MINDY2: variants seen among roughly 807,000 people sequenced by gnomAD.
MINDY2 encodes ubiquitin carboxyl-terminal hydrolase MINDY-2.
Under a neutral mutation model 68.2 loss-of-function variants are expected in MINDY2, and 52 were observed. The observed-to-expected ratio is 0.76, with a 90% confidence interval of 0.61 to 0.96. The LOEUF is 0.96. MINDY2 is among the 40% of genes least tolerant of loss of function. MINDY2 has a pLI of 0.00. For missense variants in MINDY2, 881 were observed against 773.4 expected (o/e 1.14, Z -1.65); for synonymous variants, 372 against 303.0 (o/e 1.23, Z -2.36).
chr15:58,840,352 G>A (rs1227269549), intron 6 of MINDY2, among the ~76,000 whole-genome samples: 2 of 152,006 alleles, frequency 1.3e-5, no homozygotes, highest in African/African-American at 4.8e-5. Context: ...TAGTTTTGTG[G>A]TTTACTGTTG....
intron 2 of MINDY2, among the ~76,000 whole-genome samples, chr15:58,792,872 C>T (rs1432929001): frequency 2.6e-5 from 4 of 152,040 alleles, no homozygotes; most frequent in African/African-American, 9.7e-5. Context: ...GCTGGTGGTG[C>T]GTGCCTATGG....
At chr15:58,841,853 G>T (rs1222648881) in intron 6 of MINDY2, among the ~76,000 whole-genome samples, 1 of 152,178 alleles carries the variant, frequency 6.6e-6, no homozygotes. Context: ...AAGATGGGTT[G>T]TAAATAAACC....
intron 7 of MINDY2, 65 bp from the exon 8 acceptor site, chr15:58,851,706 A>G: frequency 1.6e-6 from 2 of 1,217,592 alleles, no homozygotes; most frequent in South Asian, 3.1e-5. Flanking sequence ...TAACGTTTGT[A>G]TTTGCAGTCA....
At position 58,854,634 on chromosome 15, in the gene MINDY2, C is replaced by T. The variant is rs1595790970; in HGVS notation, c.*24C>T. 1 of 1,593,718 alleles carries T rather than the reference C, an allele frequency of 6.3e-7. No homozygotes were observed. The highest frequency in any genetic ancestry group is 8.5e-7 in the Non-Finnish European group (1 of 1,176,164). ...AACAAGTGTTGGCTTCTGTTGGAACCACCTATATGTCTTGAGAAACAAAAC... is the reference window on the plus strand; with the variant it reads ...AACAAGTGTTGGCTTCTGTTGGAACTACCTATATGTCTTGAGAAACAAAAC... On this transcript the variant is annotated 3_prime_UTR_variant, in exon 9 of 9. Transcript: ENST00000559228.
intron 1 of MINDY2, among the ~76,000 whole-genome samples, chr15:58,774,942 GT>G (rs1294949540): frequency 6.6e-6 from 1 of 151,916 alleles, no homozygotes; most frequent in Non-Finnish European, 1.5e-5. Flanking sequence ...GGTTATCAGT[GT>G]TTTTTTTCTC....
chr15:58,845,678 C>T (rs1278109999), intron 6 of MINDY2, among the ~76,000 whole-genome samples: 3 of 152,106 alleles, frequency 2.0e-5, no homozygotes, highest in Non-Finnish European at 4.4e-5. Flanking sequence ...TTATACAATC[C>T]GGCAATCCCA....
chr15:58,796,828 T>C (rs566834709), intron 2 of MINDY2, among the ~76,000 whole-genome samples: 1 of 152,314 alleles, frequency 6.6e-6, no homozygotes, highest in East Asian at 1.9e-4. Flanking sequence ...TGGCCATTTA[T>C]ATATAACTAT....
At chr15:58,789,059 C>G (rs1381119786) in intron 2 of MINDY2, among the ~76,000 whole-genome samples, 1 of 151,532 alleles carries the variant, frequency 6.6e-6, no homozygotes, top group South Asian at 2.1e-4. Flanking sequence ...CAACTGGGGC[C>G]GGGCACGGTG....
At position 58,847,277 on chromosome 15, in the gene MINDY2, T is replaced by C. The variant is rs745593136; in HGVS notation, c.1369-20T>C. On this transcript the variant is annotated intron_variant, in intron 6 of 8. Coordinates refer to ENST00000559228, the MANE Select transcript of MINDY2 (RefSeq NM_001040450.3). ...TTGATCAATTTAACAGTCCTTTTTC[T>C]TTTGTTACTTCTTATTAAGGGTCAA... The C allele has an allele frequency of 2.6e-6, 4 of 1,525,948 alleles. No homozygotes were observed. The highest frequency in any genetic ancestry group is 2.7e-6 in the Non-Finnish European group (3 of 1,127,492). 94.5% of individuals were successfully genotyped at this position (1,525,948 alleles called of 1,614,324 possible).
intron 2 of MINDY2, among the ~76,000 whole-genome samples, chr15:58,790,252 T>C (rs1412983779): frequency 6.6e-6 from 1 of 152,212 alleles, no homozygotes; most frequent in African/African-American, 2.4e-5. Context: ...ATTATTATTT[T>C]AAGTTTTTTT....
intron 7 of MINDY2, among the ~76,000 whole-genome samples, chr15:58,850,416 T>C (rs1182726274): frequency 6.6e-6 from 1 of 152,168 alleles, no homozygotes. Flanking sequence ...TGAATTTGTA[T>C]GGGAATGTAG....
Position 58,771,399 on chromosome 15 carries a change from G to T in MINDY2, c.4G>T (p.Glu2Ter). 6.2e-7 allele frequency: 1 copy of T among 1,607,748 alleles called. No individual in the cohort carries two copies. M[E>*]SSPESLQPLE... ...AGCTGGGGGCGGGCGGCCCGGTATG[G>T]AGAGCAGCCCCGAGAGCCTGCAGCC... The change falls in exon 1 of 9, where the codon GAG (glutamate) becomes TAG (stop). Residue 2 changes from glutamate to a stop codon, truncating the protein, a stop_gained. Transcript: ENST00000559228. LOFTEE classifies it high-confidence loss of function.
chr15:58,794,149 T>A (rs953928790), intron 2 of MINDY2, among the ~76,000 whole-genome samples: 3 of 151,494 alleles, frequency 2.0e-5, no homozygotes, highest in Non-Finnish European at 4.4e-5. Flanking sequence ...GGTATGAAGG[T>A]GTGTATAGAG....
intron 4 of MINDY2, among the ~76,000 whole-genome samples, chr15:58,818,949 T>C (rs1157958197): frequency 1.3e-5 from 2 of 152,044 alleles, no homozygotes; most frequent in African/African-American, 4.8e-5. Context: ...CCTATTGATC[T>C]TGTGTTTATT....
rs575411819 is a variant in MINDY2, at chr15:58,832,226, T to G, written c.1368+310T>G. The stretch of plus-strand genomic sequence containing the variant: ...ACCCTAGAGATAGAACTAGGATGAC[T>G]TCTTTTTTTTTTTTTTTGAAATGGA... On this transcript the variant is annotated intron_variant, in intron 6 of 8. Transcript: ENST00000559228. Among the ~76,000 whole-genome samples, 8 of 140,316 alleles carry G rather than the reference T, an allele frequency of 5.7e-5. No individual in the cohort carries two copies. The East Asian group carries it at 2.3e-3, about 41-fold the overall frequency. The allele number at this position is 140,316 out of a possible 152,430, so 92.1% of individuals were successfully genotyped here. A position where few individuals can be genotyped will look rare whatever the true frequency, so the allele number is the denominator to read the frequency against.
At chr15:58,789,609 T>C (rs1214036606) in intron 2 of MINDY2, among the ~76,000 whole-genome samples, 1 of 151,024 alleles carries the variant, frequency 6.6e-6, no homozygotes, top group Admixed American at 6.6e-5. Context: ...ACGCACATGC[T>C]ACCACACCCA....
At chr15:58,839,212 G>GTA (rs1377210211) in intron 6 of MINDY2, among the ~76,000 whole-genome samples, 1 of 151,950 alleles carries the variant, frequency 6.6e-6, no homozygotes, top group African/African-American at 2.4e-5. Flanking sequence ...GGGAAGGGAG[G>GTA]TATATATGCT....
chr15:58,807,833 C>A (rs772729267), intron 3 of MINDY2, among the ~76,000 whole-genome samples: 7 of 152,084 alleles, frequency 4.6e-5, no homozygotes, highest in Non-Finnish European at 8.8e-5. Context: ...CGCACTGGGC[C>A]CCATGCTATT....
chr15:58,834,820 G>A (rs1396962922), intron 6 of MINDY2, among the ~76,000 whole-genome samples: 2 of 152,140 alleles, frequency 1.3e-5, no homozygotes, highest in Non-Finnish European at 2.9e-5. Context: ...GTTTGCTTAT[G>A]TAAGAATACC....
Sources: gnomAD v4.1 joint callset for allele counts (sites outside exome capture counted in the v4.1 genomes callset) on GRCh38, gnomAD v4.1.1 for gene constraint, MANE v1.5 for transcripts, NCBI Gene and HGNC (gene_info 2026-07-23, HGNC 2026-07-21) for gene names.